NT5C2: variants seen among roughly 807,000 people sequenced by gnomAD.
NT5C2 encodes the protein 5'-nucleotidase, cytosolic II.
A neutral mutation model predicts 76.1 loss-of-function variants in NT5C2; 58 were observed. That is an observed-to-expected ratio of 0.76 (90% CI 0.62 to 0.95). NT5C2 has a LOEUF of 0.95. Among genes scored for constraint, NT5C2 ranks in the 40% least tolerant of loss-of-function variants. The probability of loss-of-function intolerance (pLI) is 0.00; values close to 1 mark genes in which losing one functional copy is unlikely to be tolerated. For synonymous variants in NT5C2, 229 were observed against 237.4 expected (o/e 0.96, Z 0.32); for missense variants, 478 against 690.3 (o/e 0.69, Z 3.45).
At chr10:103,120,705 T>C (rs1239320478) in intron 4 of NT5C2, among the ~76,000 whole-genome samples, 1 of 152,248 alleles carries the variant, frequency 6.6e-6, no homozygotes, top group Non-Finnish European at 1.5e-5. Flanking sequence ...TGTAAGATGT[T>C]ACAGCCACTA....
intron 2 of NT5C2, among the ~76,000 whole-genome samples, chr10:103,178,031 G>A (rs1281073077): frequency 6.6e-6 from 1 of 152,176 alleles, no homozygotes; most frequent in Non-Finnish European, 1.5e-5. Context: ...CATACAACAT[G>A]TGACCTTTTG....
At chr10:103,098,161 G>C (rs2134948255) in intron 10 of NT5C2, 1 of 460,786 alleles carries the variant, frequency 2.2e-6, no homozygotes, top group East Asian at 6.3e-5. Context: ...AACAGTTCTA[G>C]ACTTATAGAA....
chr10:103,108,848 T>TTTTTTC (rs375927154), intron 4 of NT5C2, among the ~76,000 whole-genome samples: 2 of 152,072 alleles, frequency 1.3e-5, no homozygotes, highest in East Asian at 1.9e-4. Flanking sequence ...GCTAACTTTT[T>TTTTTTC]TTTTTCTTTT....
chr10:103,169,604 GCAAGACCCTGT>G (rs1831416636), intron 3 of NT5C2, among the ~76,000 whole-genome samples: 1 of 149,094 alleles, frequency 6.7e-6, no homozygotes, highest in Non-Finnish European at 1.5e-5. Context: ...GGGTGACAGA[GCAAGACCCTGT>G]CTCAAAAAAA....
chr10:103,112,214 T>C (rs2073199758), intron 4 of NT5C2, among the ~76,000 whole-genome samples: 1 of 152,154 alleles, frequency 6.6e-6, no homozygotes, highest in Non-Finnish European at 1.5e-5. Context: ...CTATGGGTAG[T>C]GAAACAGACT....
chr10:103,160,764 C>T (rs1286112485), intron 3 of NT5C2, among the ~76,000 whole-genome samples: 1 of 152,156 alleles, frequency 6.6e-6, no homozygotes, highest in Non-Finnish European at 1.5e-5. Flanking sequence ...CCTGTAATCC[C>T]AGCATTTTGG....
At chr10:103,093,898 T>A in intron 14 of NT5C2, 74 bp downstream of exon 14, 1 of 1,151,926 alleles carries the variant, frequency 8.7e-7, no homozygotes, top group Non-Finnish European at 1.3e-6. Context: ...TGTGGCACTT[T>A]GCTGAGAGAT....
rs150727714 is a variant in NT5C2, at chr10:103,101,263, G to A, written c.453C>T (p.Tyr151=). The A allele has an allele frequency of 6.2e-7, 1 of 1,606,350 alleles. No individual in the cohort carries two copies. The highest frequency in any genetic ancestry group is 1.3e-5 in the African/African-American group (1 of 74,848). ...GTAGGTTGAATAGTGTGTTCAGAAT[G>A]TAAAATCTTTCAGTATCATCTCGCT... ...FIQRDDTERF[Y]ILNTLFNLPE... is the part of the protein sequence containing the mutation. Residue 151 remains tyrosine (Y), a synonymous_variant, in exon 7 of 19, where the codon TAC becomes TAT. Transcript: ENST00000404739.
intron 4 of NT5C2, among the ~76,000 whole-genome samples, chr10:103,108,895 T>C (rs1410455232): frequency 6.6e-6 from 1 of 152,038 alleles, no homozygotes; most frequent in Admixed American, 6.6e-5. Flanking sequence ...TCTCGCTCCA[T>C]TGCCCAGGCT....
chr10:103,108,023 C>T (rs527242299), intron 4 of NT5C2, among the ~76,000 whole-genome samples: 4 of 152,018 alleles, frequency 2.6e-5, no homozygotes, highest in East Asian at 3.9e-4. Flanking sequence ...GACGTTGTGG[C>T]GGGCACCTGT....
chr10:103,169,800 G>A (rs1565266406), intron 3 of NT5C2, among the ~76,000 whole-genome samples: 1 of 151,892 alleles, frequency 6.6e-6, no homozygotes, highest in Non-Finnish European at 1.5e-5. Context: ...GGACAACATA[G>A]TGAGACCACA....
chr10:103,182,543 G>C (rs1015966118), intron 1 of NT5C2, among the ~76,000 whole-genome samples: 2 of 151,700 alleles, frequency 1.3e-5, no homozygotes, highest in Non-Finnish European at 2.9e-5. Flanking sequence ...GGTGAGGCAG[G>C]AGAATCACTT....
chr10:103,150,583 A>G (rs940455185), intron 3 of NT5C2, among the ~76,000 whole-genome samples: 1 of 152,202 alleles, frequency 6.6e-6, no homozygotes, highest in Non-Finnish European at 1.5e-5. Context: ...TTAACTTAAA[A>G]AGACATTGCC....
Position 103,089,662 on chromosome 10 carries a change from G to A in NT5C2, c.*10C>T. On this transcript the variant is annotated 3_prime_UTR_variant, in exon 19 of 19. Coordinates refer to ENST00000404739, the MANE Select transcript of NT5C2 (RefSeq NM_001351169.2). The stretch of plus-strand genomic sequence containing the variant: ...TGTTTAATGGGTGCTTGGGGTTTTG[G>A]TTTTCCTCCTTATTCTTCCTCCTCC... 1 of 1,583,514 alleles carries A rather than the reference G, an allele frequency of 6.3e-7. No individual in the cohort carries two copies.
intron 4 of NT5C2, among the ~76,000 whole-genome samples, chr10:103,107,832 CAG>C (rs1297190105): frequency 6.6e-6 from 1 of 151,900 alleles, no homozygotes. Context: ...AAAAACTTTT[CAG>C]AGTTTACTAC....
Position 103,101,086 on chromosome 10 carries a change from G to A in NT5C2, c.498C>T (p.Ala166=). 1 of 1,591,054 alleles carries A rather than the reference G, an allele frequency of 6.3e-7. No individual in the cohort carries two copies. The highest frequency in any genetic ancestry group is 8.6e-7 in the Non-Finnish European group (1 of 1,159,102). The change falls in exon 8 of 19, where the codon GCC becomes GCT. Residue 166 remains alanine (A), a synonymous_variant. Coordinates refer to ENST00000404739, the MANE Select transcript of NT5C2 (RefSeq NM_001351169.2). The part of the protein sequence containing the change: ...LFNLPETYLL[A]CLVDFFTNCP... ...AATTAGTAAAAAAATCTACTAGGCA[G>A]GCCAACAGGTAGGTCTCTGAAAAAT...
At chr10:103,146,415 T>G (rs1565177738) in intron 3 of NT5C2, 1 of 985,306 alleles carries the variant, frequency 1.0e-6, no homozygotes. Context: ...AAAATCTTCT[T>G]GGGCATCTGT....
At chr10:103,130,417 C>CGGAA (rs1369174982) in intron 4 of NT5C2, among the ~76,000 whole-genome samples, 3 of 150,896 alleles carry the variant, frequency 2.0e-5, no homozygotes, top group Non-Finnish European at 4.4e-5. Context: ...ACAAACACTG[C>CGGAA]GGAAGGCCGC....
chr10:103,091,055 A>G, intron 16 of NT5C2, 59 bp from the exon 17 acceptor site: 1 of 1,465,550 alleles, frequency 6.8e-7, no homozygotes, highest in Non-Finnish European at 9.5e-7. Flanking sequence ...TTTATTCTTT[A>G]AGACAGTCTC....
Sources: gnomAD v4.1 joint callset for allele counts (sites outside exome capture counted in the v4.1 genomes callset) on GRCh38, gnomAD v4.1.1 for gene constraint, MANE v1.5 for transcripts, NCBI Gene and HGNC (gene_info 2026-07-23, HGNC 2026-07-21) for gene names.